PVT1: variants seen among roughly 807,000 people sequenced by gnomAD.
PVT1 encodes CXCR4/PVT1 fusion.
chr8:127,829,322 A>T (rs1017476673), intron 2 of PVT1, among the ~76,000 whole-genome samples: 3 of 152,188 alleles, frequency 2.0e-5, no homozygotes, highest in Non-Finnish European at 2.9e-5. Flanking sequence ...CCTTATATAT[A>T]TTCACACACA....
At chr8:128,063,984 A>T (rs1813866886) in intron 4 of PVT1, among the ~76,000 whole-genome samples, 1 of 151,846 alleles carries the variant, frequency 6.6e-6, no homozygotes, top group African/African-American at 2.4e-5. Context: ...TTTATCTGTG[A>T]ATTAAAAAAA....
chr8:127,921,404 TGAA>T (rs1229946470), intron 3 of PVT1, among the ~76,000 whole-genome samples: 1 of 152,104 alleles, frequency 6.6e-6, no homozygotes, highest in African/African-American at 2.4e-5. Context: ...GGATTAATGA[TGAA>T]GGAGTGGAGT....
chr8:128,020,614 C>T (rs181791082), intron 4 of PVT1, among the ~76,000 whole-genome samples: 91 of 152,304 alleles, frequency 6.0e-4, no homozygotes, highest in African/African-American at 2.0e-3. Flanking sequence ...CCTTCCAGAA[C>T]CTCCTGATAG....
chr8:127,932,267 G>A (rs1816215787), intron 3 of PVT1, among the ~76,000 whole-genome samples: 1 of 152,204 alleles, frequency 6.6e-6, no homozygotes, highest in Non-Finnish European at 1.5e-5. Flanking sequence ...GGGGGTCCAT[G>A]TTTCTGCTCC....
chr8:127,960,158 A>G (rs1181403535), intron 3 of PVT1, among the ~76,000 whole-genome samples: 1 of 152,178 alleles, frequency 6.6e-6, no homozygotes, highest in East Asian at 1.9e-4. Context: ...TGTTCATTCA[A>G]CATGTCCAGT....
chr8:128,017,981 C>T (rs1307056099), intron 4 of PVT1, among the ~76,000 whole-genome samples: 3 of 152,128 alleles, frequency 2.0e-5, no homozygotes, highest in East Asian at 3.8e-4. Flanking sequence ...TCTACGAATA[C>T]GTAGATTTAT....
chr8:127,954,571 G>A (rs1223767565), intron 3 of PVT1, among the ~76,000 whole-genome samples: 3 of 152,190 alleles, frequency 2.0e-5, no homozygotes, highest in African/African-American at 2.4e-5. Flanking sequence ...GGGATTACAG[G>A]CATGAGCCAC....
chr8:127,797,441 G>T (rs2130184096), intron 2 of PVT1, among the ~76,000 whole-genome samples: 1 of 152,250 alleles, frequency 6.6e-6, no homozygotes, highest in East Asian at 1.9e-4. Flanking sequence ...CCCTGACTGA[G>T]GATGGGAACA....
chr8:127,853,704 C>G (rs1815129835), intron 2 of PVT1, among the ~76,000 whole-genome samples: 1 of 151,966 alleles, frequency 6.6e-6, no homozygotes, highest in South Asian at 2.1e-4. Flanking sequence ...TCGCTCCAAC[C>G]TGGGAGGCAG....
chr8:128,042,966 G>C lies in PVT1; in HGVS notation n.913-27194G>C, dbSNP rs371664291. Among the ~76,000 whole-genome samples the C allele has an allele frequency of 1.8e-3, 277 of 152,040 alleles. 2 individuals carry two copies. Among genetic ancestry groups the C allele is most frequent in the Middle Eastern group, 0.014 (4 of 294 alleles). On this transcript the variant is annotated intron_variant and non_coding_transcript_variant, in intron 4 of 10. Transcript: ENST00000651587. ...TTTAGTAGAGACAGGGTTTCACCATGTTGGCCAGGCTGGTCTCGAACTCCT... is the reference window on the plus strand; with the variant it reads ...TTTAGTAGAGACAGGGTTTCACCATCTTGGCCAGGCTGGTCTCGAACTCCT...
intron 4 of PVT1, among the ~76,000 whole-genome samples, chr8:128,018,959 C>T (rs1817404037): frequency 6.6e-6 from 1 of 152,204 alleles, no homozygotes; most frequent in Admixed American, 6.5e-5. Context: ...GCTCAGTCTG[C>T]AGCTAAGGAA....
At chr8:128,093,332 C>T (rs781108834) in intron 5 of PVT1, among the ~76,000 whole-genome samples, 2 of 151,950 alleles carry the variant, frequency 1.3e-5, no homozygotes. Flanking sequence ...CCGAGGTGGG[C>T]GGATCACCTG....
intron 3 of PVT1, among the ~76,000 whole-genome samples, chr8:127,925,262 A>G (rs1816115243): frequency 6.6e-6 from 1 of 152,222 alleles, no homozygotes; most frequent in Non-Finnish European, 1.5e-5. Flanking sequence ...GCATTTTTAA[A>G]AATCTACTCA....
At chr8:127,863,574 G>A (rs2392825) in intron 2 of PVT1, among the ~76,000 whole-genome samples, 8,281 of 152,306 alleles carry the variant, frequency 0.054, 249 homozygotes, top group Middle Eastern at 0.075. Flanking sequence ...GTTGGCGTCG[G>A]GGGTGGACTT....
intron 3 of PVT1, among the ~76,000 whole-genome samples, chr8:127,944,070 A>G (rs987127447): frequency 6.6e-6 from 1 of 152,184 alleles, no homozygotes; most frequent in Non-Finnish European, 1.5e-5. Flanking sequence ...AAGGAAAATT[A>G]TTTTGGGCCC....
chr8:127,955,088 T>G (rs1586453950), intron 3 of PVT1, among the ~76,000 whole-genome samples: 2 of 152,282 alleles, frequency 1.3e-5, no homozygotes, highest in Middle Eastern at 3.4e-3. Flanking sequence ...GATTTGAAGG[T>G]AGGGCCTTTA....
chr8:127,856,639 C>T (rs1259499370), intron 2 of PVT1, among the ~76,000 whole-genome samples: 2 of 152,170 alleles, frequency 1.3e-5, no homozygotes, highest in Admixed American at 6.5e-5. Flanking sequence ...CCACGCCCAG[C>T]CCCAGCCAGC....
chr8:127,923,941 T>C (rs1423333167), intron 3 of PVT1, among the ~76,000 whole-genome samples: 2 of 152,182 alleles, frequency 1.3e-5, no homozygotes, highest in Admixed American at 6.5e-5. Context: ...AGTGACGGCT[T>C]TATAAATATT....
intron 2 of PVT1, among the ~76,000 whole-genome samples, chr8:127,810,394 C>T (rs559528354): frequency 2.0e-5 from 3 of 152,338 alleles, no homozygotes; most frequent in South Asian, 4.1e-4. Flanking sequence ...CACTTAAAAG[C>T]TTTTAATGGC....
Sources: gnomAD v4.1 joint callset for allele counts (sites outside exome capture counted in the v4.1 genomes callset) on GRCh38, gnomAD v4.1.1 for gene constraint, MANE v1.5 for transcripts, NCBI Gene and HGNC (gene_info 2026-07-23, HGNC 2026-07-21) for gene names.